Variants in ADD2 observed in about 807,000 individuals in gnomAD.
ADD2 encodes adducin 2, also known as beta-adducin.
Under a neutral mutation model 83.0 loss-of-function variants are expected in ADD2, and 23 were observed. That is an observed-to-expected ratio of 0.28 (90% confidence interval 0.20 to 0.39). The LOEUF (loss-of-function observed/expected upper bound fraction) is 0.39, where lower values mean the gene tolerates loss of function less well. Ranked by LOEUF, ADD2 falls within the 10% of genes least tolerant of loss-of-function variation. ADD2 has a pLI of 1.00. For synonymous variants in ADD2, 375 were observed against 375.4 expected, an observed-to-expected ratio of 1.00 and a Z score of 0.01; for missense variants, 758 against 944.9, an observed-to-expected ratio of 0.80 and a Z score of 2.59.
intron 2 of ADD2, among the ~76,000 whole-genome samples, chr2:70,711,639 T>C (rs996241903): frequency 6.6e-6 from 1 of 152,112 alleles, no homozygotes; most frequent in African/African-American, 2.4e-5. Flanking sequence ...GGTGAACACA[T>C]TGATGTGCTG....
chr2:70,765,198 C>A (rs1675318150), intron 1 of ADD2, among the ~76,000 whole-genome samples: 1 of 150,440 alleles, frequency 6.6e-6, no homozygotes, highest in African/African-American at 2.5e-5. Flanking sequence ...ACTAAAAATG[C>A]AAAAATTAGC....
intron 1 of ADD2, among the ~76,000 whole-genome samples, chr2:70,735,377 TGGGGG>T (rs1218988132): frequency 6.6e-6 from 1 of 152,160 alleles, no homozygotes; most frequent in Non-Finnish European, 1.5e-5. Context: ...CTCCATCACA[TGGGGG>T]GCACAGTTCG....
At chr2:70,682,831 G>A (rs1022113694) in intron 10 of ADD2, among the ~76,000 whole-genome samples, 4 of 152,016 alleles carry the variant, frequency 2.6e-5, no homozygotes, top group Admixed American at 6.5e-5. Flanking sequence ...ATGACTGATT[G>A]GTTCATTTAT....
intron 14 of ADD2, among the ~76,000 whole-genome samples, chr2:70,673,905 T>G (rs1031194628): frequency 6.6e-6 from 1 of 152,192 alleles, no homozygotes; most frequent in Non-Finnish European, 1.5e-5. Flanking sequence ...GTTTTTTAAG[T>G]GTCTGCTTTG....
chr2:70,767,571 G>T (rs551724816), intron 1 of ADD2: 253 of 1,139,782 alleles, frequency 2.2e-4, no homozygotes, highest in Non-Finnish European at 2.7e-4. Context: ...GAGGCTTGCC[G>T]CCCCTCCATT....
At chr2:70,766,158 T>C (rs899310595) in intron 1 of ADD2, among the ~76,000 whole-genome samples, 1 of 152,234 alleles carries the variant, frequency 6.6e-6, no homozygotes, top group East Asian at 1.9e-4. Context: ...CTAGGCAATT[T>C]GGTGGACAAG....
chr2:70,722,731 T>C (rs1026586510), intron 1 of ADD2, among the ~76,000 whole-genome samples: 1 of 152,202 alleles, frequency 6.6e-6, no homozygotes, highest in East Asian at 1.9e-4. Context: ...AGCAACTTCC[T>C]GTACTGTGAA....
chr2:70,743,235 T>G (rs1674014475), intron 1 of ADD2, among the ~76,000 whole-genome samples: 1 of 152,224 alleles, frequency 6.6e-6, no homozygotes, highest in South Asian at 2.1e-4. Context: ...TGGCTCTCCA[T>G]GTATCACCCC....
chr2:70,679,735 C>G (rs1234325488), intron 10 of ADD2, among the ~76,000 whole-genome samples: 2 of 152,022 alleles, frequency 1.3e-5, no homozygotes, highest in Non-Finnish European at 2.9e-5. Context: ...TATGCAAACT[C>G]TCACCCCAGA....
intron 2 of ADD2, 58 bp downstream of exon 2, chr2:70,713,008 G>C: frequency 3.8e-6 from 3 of 782,822 alleles, no homozygotes; most frequent in Non-Finnish European, 4.7e-6. Context: ...TCACGTGATG[G>C]GCCCAGCCAA....
chr2:70,759,046 G>A (rs1574331979), intron 1 of ADD2, among the ~76,000 whole-genome samples: 1 of 152,162 alleles, frequency 6.6e-6, no homozygotes, highest in African/African-American at 2.4e-5. Flanking sequence ...ATGGGGTGAA[G>A]GATGTCAAAT....
chr2:70,692,586 A>G, intron 6 of ADD2, 34 bp from the exon 7 acceptor site: 1 of 1,549,160 alleles, frequency 6.5e-7, no homozygotes, highest in Non-Finnish European at 8.7e-7. Flanking sequence ...TTATGGCAAC[A>G]GGGTGGCCGA....
intron 15 of ADD2, among the ~76,000 whole-genome samples, chr2:70,668,458 T>C (rs1669769244): frequency 6.6e-6 from 1 of 152,226 alleles, no homozygotes; most frequent in Non-Finnish European, 1.5e-5. Flanking sequence ...TGCTCACATA[T>C]TCATTTTACA....
rs889593844 is a variant in ADD2, at chr2:70,767,814, G to A, written c.-154+72C>T. On this transcript the variant is annotated intron_variant, in intron 1 of 15. Transcript: ENST00000264436. ...CCAAGCGGCTCCCGCCCGGCCGAGG[G>A]ATGCCAGGGTCTCCGCGCCAGGAGA... 4.7e-5 allele frequency: 72 copies of A among 1,524,328 alleles called. No individual in the cohort carries two copies. The African/African-American group carries it at 8.5e-4, about 18-fold the overall frequency. The allele number at this position is 1,524,328 out of a possible 1,614,324, so 94.4% of individuals were successfully genotyped here. A position where few individuals can be genotyped will look rare whatever the true frequency, so the allele number is the denominator to read the frequency against.
rs1052591934 is a variant in ADD2 at position 70,662,619 on chromosome 2, C to T, written c.*806G>A. On this transcript the variant is annotated 3_prime_UTR_variant, in exon 16 of 16. Transcript: ENST00000264436. ...GATTTCAACTTCCCCAAATTTCTGC[C>T]CTGAGCATTAAACAACTTTTTCCTA... 2 of 152,172 alleles carry T rather than the reference C, an allele frequency of 1.3e-5. No individual in the cohort carries two copies. The highest frequency in any genetic ancestry group is 2.9e-5 in the Non-Finnish European group (2 of 68,030). 9.4% of individuals were successfully genotyped at this position (152,172 alleles called of 1,614,324 possible).
At chr2:70,707,640 C>T (rs571335340) in intron 2 of ADD2, among the ~76,000 whole-genome samples, 2 of 152,382 alleles carry the variant, frequency 1.3e-5, no homozygotes, top group East Asian at 3.9e-4. Context: ...CCAGGGTGGC[C>T]TTACAGAGCG....
chr2:70,720,462 T>C (rs1385719879), intron 1 of ADD2, among the ~76,000 whole-genome samples: 34 of 152,156 alleles, frequency 2.2e-4, no homozygotes, highest in African/African-American at 8.0e-4. Context: ...AGGAGAGATG[T>C]TGTTCGACTG....
rs1553364802 is a variant in ADD2 at position 70,660,349 on chromosome 2, T to G, written c.*3076A>C. 6.6e-6 allele frequency: 1 copy of G among 152,240 alleles called. No homozygotes were observed. The highest frequency in any genetic ancestry group is 1.9e-4 in the East Asian group (1 of 5,196). 9.4% of individuals were successfully genotyped at this position (152,240 alleles called of 1,614,324 possible). A position where few individuals can be genotyped will look rare whatever the true frequency, so the allele number is the denominator to read the frequency against. Reference sequence around the variant, plus strand: ...GACTTTTATGGAAATAAATTTTGTGTTGGAAACTCACTATCTGCTGTAGAG... The same window carrying G: ...GACTTTTATGGAAATAAATTTTGTGGTGGAAACTCACTATCTGCTGTAGAG... On this transcript the variant is annotated 3_prime_UTR_variant, in exon 16 of 16. Transcript: ENST00000264436.
chr2:70,690,606 A>T (rs902060804), intron 8 of ADD2, among the ~76,000 whole-genome samples, 180 bp downstream of exon 8: 2 of 152,246 alleles, frequency 1.3e-5, no homozygotes, highest in African/African-American at 4.8e-5. Context: ...CTAGTTTTGC[A>T]AATATAAATT....
Sources: allele counts gnomAD v4.1 joint callset (sites outside exome capture counted in the v4.1 genomes callset), GRCh38; gene constraint gnomAD v4.1.1; transcripts MANE v1.5; gene names NCBI Gene and HGNC (gene_info 2026-07-23, HGNC 2026-07-21).